Variants in CHFR observed in about 807,000 individuals in gnomAD.
CHFR encodes checkpoint with forkhead and ring finger domains, also known as E3 ubiquitin-protein ligase CHFR.
In CHFR, 57 loss-of-function variants were observed where a neutral mutation model predicts 87.6. The observed-to-expected ratio is 0.65, with a 90% CI of 0.53 to 0.81. The LOEUF (loss-of-function observed/expected upper bound fraction) is 0.81, where lower values mean the gene tolerates loss of function less well. Among genes scored for constraint, CHFR ranks in the 30% least tolerant of loss-of-function variants. The probability of loss-of-function intolerance (pLI) is 0.00; values close to 1 mark genes in which losing one functional copy is unlikely to be tolerated. For missense variants in CHFR, 797 were observed against 865.8 expected, an observed-to-expected ratio of 0.92 and a Z score of 1.00; for synonymous variants, 381 against 359.2, an observed-to-expected ratio of 1.06 and a Z score of -0.69.
At position 132,832,828 on chromosome 12, in the gene CHFR, G is replaced by C. The variant is rs918399510; in HGVS notation, c.*8726C>G. On this transcript the variant is annotated 3_prime_UTR_variant, in exon 18 of 18. Transcript: ENST00000450056. ...GTTCAGCGACTGTAGTAAATGTGCA[G>C]AGCTGTGCACCCATCACTCCAACCC... 1 of 152,186 alleles carries C rather than the reference G, an allele frequency of 6.6e-6. No individual in the cohort carries two copies. The highest frequency in any genetic ancestry group is 2.4e-5 in the African/African-American group (1 of 41,422). The allele number at this position is 152,186 out of a possible 1,614,324, so 9.4% of individuals were successfully genotyped here.
At chr12:132,863,924 A>G (rs1951273678) in intron 6 of CHFR, among the ~76,000 whole-genome samples, 1 of 152,058 alleles carries the variant, frequency 6.6e-6, no homozygotes. Flanking sequence ...ATGCCCAGCT[A>G]AATTGTTTTT....
chr12:132,887,277 G>A lies in CHFR; in HGVS notation c.52C>T (p.Arg18Trp), dbSNP rs1481059648. The change falls in exon 2 of 18, where the codon CGG (arginine) becomes TGG (tryptophan). Residue 18 changes from arginine to tryptophan, a missense_variant. By Grantham distance (101) the Arg-to-Trp change is moderately radical. Coordinates refer to ENST00000450056, the MANE Select transcript of CHFR (RefSeq NM_001161346.2). Reference sequence around the variant, plus strand: ...TCCTCCGCGCCCAGACGCAGGAGCCGTCCCCAGGGCTGCGGCGGCGGCGAC... The same window carrying A: ...TCCTCCGCGCCCAGACGCAGGAGCCATCCCCAGGGCTGCGGCGGCGGCGAC... Reference protein sequence around the residue: ...KQSPPPQPWGRLLRLGAEEGE... With the variant: ...KQSPPPQPWGWLLRLGAEEGE... 2 of 1,496,882 alleles carry A rather than the reference G, an allele frequency of 1.3e-6. No individual in the cohort carries two copies. Among genetic ancestry groups the A allele is most frequent in the Non-Finnish European group, 1.8e-6 (2 of 1,130,348 alleles). The allele number at this position is 1,496,882 out of a possible 1,614,324, so 92.7% of individuals were successfully genotyped here.
intron 6 of CHFR, chr12:132,862,317 G>A (rs1178209733): frequency 6.8e-6 from 2 of 295,372 alleles, no homozygotes; most frequent in Non-Finnish European, 1.3e-5. Context: ...TCTGAGGCTG[G>A]GCATGGGGCT....
At chr12:132,849,912 A>G (rs1224449944) in intron 12 of CHFR, 1 of 151,474 alleles carries the variant, frequency 6.6e-6, no homozygotes, top group Non-Finnish European at 1.5e-5. Flanking sequence ...CTACCTAGGT[A>G]TTTTTCCATG....
chr12:132,872,446 C>T, intron 3 of CHFR, 52 bp from the exon 4 acceptor site: 1 of 1,410,050 alleles, frequency 7.1e-7, no homozygotes, highest in Non-Finnish European at 1.0e-6. Flanking sequence ...CTTGGAGTTA[C>T]AAGATTTTTT....
rs568978548 is a variant in CHFR at position 132,836,639 on chromosome 12, C to G, written c.*4915G>C. The G allele has an allele frequency of 8.8e-6, 4 of 456,116 alleles. No homozygotes were observed. The highest frequency in any genetic ancestry group is 4.6e-5 in the South Asian group (3 of 64,564). The allele number at this position is 456,116 out of a possible 1,614,324, so 28.3% of individuals were successfully genotyped here. ...ACATTCTCTCCTGAGTCCATTCCTT[C>G]CACAGACATGCACGACCAAGTGTCT... is the stretch of plus-strand genomic sequence containing the variant. On this transcript the variant is annotated 3_prime_UTR_variant, in exon 18 of 18. Transcript: ENST00000450056.
chr12:132,877,852 G>T (rs1037203122), intron 2 of CHFR, among the ~76,000 whole-genome samples, 198 bp from the exon 3 acceptor site: 6 of 152,000 alleles, frequency 3.9e-5, no homozygotes, highest in African/African-American at 1.5e-4. Flanking sequence ...GCCCAGGCTG[G>T]AGTGCAGTGG....
At position 132,859,153 on chromosome 12, in the gene CHFR, C is replaced by T. The variant is rs764757412; in HGVS notation, c.826G>A (p.Val276Ile). 1.8e-5 allele frequency: 29 copies of T among 1,613,998 alleles called. No homozygotes were observed. The highest frequency in any genetic ancestry group is 1.6e-4 in the Middle Eastern group (1 of 6,084). The change falls in exon 8 of 18, where the codon GTC becomes ATC. Residue 276 changes from valine to isoleucine, a missense_variant. Physicochemically the swap from Val to Ile is conservative, Grantham distance 29. Coordinates refer to ENST00000450056, the MANE Select transcript of CHFR (RefSeq NM_001161346.2). The stretch of plus-strand genomic sequence containing the variant: ...TCTGGCTTCCCAGCCGCTGCTCTGA[C>T]GTCCTCGTGGACGGTTTGGGCATTT... ...RRNAQTVHED[V>I]RAAAGKPDKM...
intron 2 of CHFR, among the ~76,000 whole-genome samples, chr12:132,878,364 G>A (rs1341783835): frequency 1.3e-5 from 2 of 151,776 alleles, no homozygotes; most frequent in African/African-American, 2.4e-5. Context: ...AGCTACTTGG[G>A]AGGCTGAGGC....
intron 2 of CHFR, among the ~76,000 whole-genome samples, chr12:132,886,615 G>A (rs1235045846): frequency 6.6e-6 from 1 of 152,170 alleles, no homozygotes; most frequent in Non-Finnish European, 1.5e-5. Context: ...CCCGTTGTAT[G>A]ACTTTGTTCA....
Position 132,853,512 on chromosome 12 carries a change from G to A in CHFR, c.1291C>T (p.His431Tyr). Reference protein sequence around the residue: ...EYRRQAAQPPHCPAPEGEPGA... With the variant: ...EYRRQAAQPPYCPAPEGEPGA... Reference sequence around the variant, plus strand: ...GGCTCGCCCTCGGGTGCTGGGCAGTGGGGAGGCTGCGCCGCCTGCCTTCTG... The same window carrying A: ...GGCTCGCCCTCGGGTGCTGGGCAGTAGGGAGGCTGCGCCGCCTGCCTTCTG... The change falls in exon 11 of 18, where the codon CAC (histidine) becomes TAC (tyrosine). Residue 431 changes from histidine (H) to tyrosine (Y), a missense_variant. His to Tyr is a moderately conservative substitution (Grantham distance 83). Transcript: ENST00000450056. The A allele has an allele frequency of 6.5e-7, 1 of 1,533,000 alleles. No homozygotes were observed. The highest frequency in any genetic ancestry group is 8.7e-7 in the Non-Finnish European group (1 of 1,143,836). 95.0% of individuals were successfully genotyped at this position (1,533,000 alleles called of 1,614,324 possible).
chr12:132,873,369 G>A (rs548980628), intron 3 of CHFR, among the ~76,000 whole-genome samples: 54 of 152,310 alleles, frequency 3.5e-4, no homozygotes, highest in Non-Finnish European at 6.8e-4. Flanking sequence ...TAAAACCTCC[G>A]AAACCAGGCA....
chr12:132,861,376 G>T, intron 7 of CHFR, 91 bp downstream of exon 7: 1 of 1,334,574 alleles, frequency 7.5e-7, no homozygotes, highest in Non-Finnish European at 1.1e-6. Context: ...CCTGCAGGAA[G>T]CAATGCCCCA....
intron 8 of CHFR, among the ~76,000 whole-genome samples, chr12:132,858,334 T>C (rs1951130394): frequency 6.6e-6 from 1 of 151,404 alleles, no homozygotes; most frequent in African/African-American, 2.4e-5. Flanking sequence ...CACTCCAGCC[T>C]GGGTGACAGA....
chr12:132,858,361 AAAAAACAAAAAC>A (rs1221048549), intron 8 of CHFR, among the ~76,000 whole-genome samples: 1 of 151,802 alleles, frequency 6.6e-6, no homozygotes, highest in African/African-American at 2.4e-5. Flanking sequence ...CTCTAACTCC[AAAAAACAAAAAC>A]AAAAACAAAA....
intron 12 of CHFR, among the ~76,000 whole-genome samples, chr12:132,850,798 G>T (rs1284038139): frequency 1.3e-5 from 2 of 152,050 alleles, no homozygotes; most frequent in African/African-American, 4.8e-5. Flanking sequence ...GCTCAACAGG[G>T]CTAGGGCTTT....
chr12:132,852,837 G>A (rs939056562), intron 11 of CHFR, among the ~76,000 whole-genome samples: 1 of 152,128 alleles, frequency 6.6e-6, no homozygotes, highest in Non-Finnish European at 1.5e-5. Flanking sequence ...GCCCCCACCC[G>A]TGGCCAGGAA....
Position 132,859,113 on chromosome 12 carries a change from G to A in CHFR, c.866C>T (p.Thr289Met), listed in dbSNP as rs761474515. The change falls in exon 8 of 18, where the codon ACG (threonine) becomes ATG (methionine). Residue 289 changes from threonine to methionine, a missense_variant. Coordinates refer to ENST00000450056, the MANE Select transcript of CHFR (RefSeq NM_001161346.2). Reference sequence around the variant, plus strand: ...GTCCTGGCAGATGATGCATGTCAGCGTCTCCTCCATCTTGTCTGGCTTCCC... The same window carrying A: ...GTCCTGGCAGATGATGCATGTCAGCATCTCCTCCATCTTGTCTGGCTTCCC... ...AAGKPDKMEE[T>M]LTCIICQDLL... 2.5e-6 allele frequency: 4 copies of A among 1,614,064 alleles called. No homozygotes were observed. The highest frequency in any genetic ancestry group is 1.7e-5 in the Admixed American group (1 of 60,006).
chr12:132,879,999 A>G (rs1203286821), intron 2 of CHFR, among the ~76,000 whole-genome samples: 2 of 152,228 alleles, frequency 1.3e-5, no homozygotes, highest in Non-Finnish European at 2.9e-5. Flanking sequence ...GCTGTCCTCC[A>G]GATTGTTTCA....
Sources: allele counts gnomAD v4.1 joint callset (sites outside exome capture counted in the v4.1 genomes callset), GRCh38; gene constraint gnomAD v4.1.1; transcripts MANE v1.5; gene names NCBI Gene and HGNC (gene_info 2026-07-23, HGNC 2026-07-21).